Variants in WDR20 observed in about 807,000 individuals in gnomAD.
WDR20 encodes the protein WD repeat-containing protein 20.
Under a neutral mutation model 38.7 loss-of-function variants are expected in WDR20, and 3 were observed. The ratio of observed to expected loss-of-function variants is 0.08; its 90% CI spans 0.04 to 0.20. The LOEUF (loss-of-function observed/expected upper bound fraction) is 0.20. Ranked by LOEUF, WDR20 falls within the 10% of genes least tolerant of loss-of-function variation. WDR20 has a pLI of 1.00. For missense variants in WDR20, 559 were observed against 727.7 expected, an observed-to-expected ratio of 0.77 and a Z score of 2.67; for synonymous variants, 298 against 285.6, an observed-to-expected ratio of 1.04 and a Z score of -0.44.
At position 102,209,472 on chromosome 14, in the gene WDR20, C is replaced by T. The variant is rs139080041; in HGVS notation, c.1302C>T (p.Ser434=). Residue 434 remains serine (S), a synonymous_variant, in exon 3 of 3, where the codon AGC becomes AGT. Transcript: ENST00000342702. The surrounding 1 kb of genome is among the most constrained non-coding windows in gnomAD (Gnocchi z 6.0). ...SVPPPLPRSN[S]LPHSAVSNAG... is the part of the protein sequence containing the mutation. ...CGCCTCCTCTGCCACGGTCCAACAG[C>T]CTTCCACATTCAGCAGTCTCAAATG... is the stretch of plus-strand genomic sequence containing the variant. 1 of 1,614,088 alleles carries T rather than the reference C, an allele frequency of 6.2e-7. No homozygotes were observed. The highest frequency in any genetic ancestry group is 8.5e-7 in the Non-Finnish European group (1 of 1,180,056).
In WDR20 at chr14:102,140,091, C is replaced by G. The variant is rs534709063; in HGVS notation, c.168C>G (p.Asn56Lys). ...NPVRVSFVNL[N>K]DQSGNGDRLC... The stretch of plus-strand genomic sequence containing the variant: ...TCCGCGTCTCCTTCGTAAACCTCAA[C>G]GACCAGTCTGGCAACGGCGACCGCC... Residue 56 changes from asparagine to lysine, a missense_variant, in exon 1 of 3, where the codon AAC becomes AAG. By Grantham distance (94) the Asn-to-Lys change is moderately conservative (BLOSUM62 0). Transcript: ENST00000342702. 3 of 1,614,204 alleles carry G rather than the reference C, an allele frequency of 1.9e-6. No homozygotes were observed. The African/African-American group carries it at 4.0e-5, about 22-fold the overall frequency.
chr14:102,204,025 A>G (rs1699851005), intron 2 of WDR20, among the ~76,000 whole-genome samples: 2 of 152,168 alleles, frequency 1.3e-5, no homozygotes, highest in South Asian at 2.1e-4. Flanking sequence ...TGTAAGTTAA[A>G]TGACTGTGCT....
downstream of WDR20, chr14:102,213,348 C>T: frequency 1.0e-6 from 1 of 985,440 alleles, no homozygotes; most frequent in South Asian, 4.7e-5. Flanking sequence ...AACCAGTAGC[C>T]TTGGGGTCGA....
intron 1 of WDR20, among the ~76,000 whole-genome samples, chr14:102,147,061 T>G (rs1174981258): frequency 3.9e-5 from 6 of 152,156 alleles, no homozygotes; most frequent in African/African-American, 1.4e-4. Flanking sequence ...GGAGATACTT[T>G]CATACTATAC....
In WDR20 at chr14:102,139,904, G is replaced by A; in HGVS notation, c.-20G>A. The A allele has an allele frequency of 1.2e-6, 2 of 1,610,866 alleles. No individual in the cohort carries two copies. The highest frequency in any genetic ancestry group is 1.7e-6 in the Non-Finnish European group (2 of 1,177,344). On this transcript the variant is annotated 5_prime_UTR_variant, in exon 1 of 3. Coordinates refer to ENST00000342702, the MANE Select transcript of WDR20 (RefSeq NM_144574.4). ...GGCGTGATCCGGGCACTTAGGGCAG[G>A]ATGAACGCTGCTTTCCAAGATGGCG...
chr14:102,139,561 G>C, upstream of WDR20: 3 of 795,846 alleles, frequency 3.8e-6, no homozygotes, highest in Non-Finnish European at 5.8e-6. Flanking sequence ...CATGACACCA[G>C]CCCCGCCGCG....
At chr14:102,166,886 C>T (rs781428533) in intron 1 of WDR20, among the ~76,000 whole-genome samples, 1 of 152,146 alleles carries the variant, frequency 6.6e-6, no homozygotes, top group Non-Finnish European at 1.5e-5. Flanking sequence ...GTTTTCACTG[C>T]CCTCACTCAT....
intron 1 of WDR20, among the ~76,000 whole-genome samples, chr14:102,153,072 T>C (rs747446830): frequency 1.3e-5 from 2 of 152,118 alleles, no homozygotes; most frequent in Admixed American, 6.6e-5. Context: ...CACCATCTAC[T>C]TGGTGCTGCC....
At position 102,209,635 on chromosome 14, in the gene WDR20, A is replaced by G. The variant is rs771546202; in HGVS notation, c.1465A>G (p.Ser489Gly). The change falls in exon 3 of 3, where the codon AGC (serine) becomes GGC (glycine). Residue 489 changes from serine (S) to glycine (G), a missense_variant. Coordinates refer to ENST00000342702, the MANE Select transcript of WDR20 (RefSeq NM_144574.4). This position sits in a 1 kb window ranked among gnomAD's most constrained non-coding sequence, Gnocchi z 6.0. ...KRNHSMGHIS[S>G]KSSDKLNLVT... ...AAATCATAGCATGGGACACATTTCTAGCAAGAGCAGTGACAAACTGAATCT... is the reference window on the plus strand; with the variant it reads ...AAATCATAGCATGGGACACATTTCTGGCAAGAGCAGTGACAAACTGAATCT... The G allele has an allele frequency of 6.8e-6, 11 of 1,614,116 alleles. No homozygotes were observed. The highest frequency in any genetic ancestry group is 9.3e-6 in the Non-Finnish European group (11 of 1,180,056).
Position 102,209,220 on chromosome 14 carries a change from C to G in WDR20, c.1050C>G (p.Ser350=). Residue 350 remains serine, a synonymous_variant, in exon 3 of 3, where the codon TCC becomes TCG. Coordinates refer to ENST00000342702, the MANE Select transcript of WDR20 (RefSeq NM_144574.4). The surrounding 1 kb of genome is among the most constrained non-coding windows in gnomAD (Gnocchi z 6.0). ...FGRDRANSTQ[S]RLSKRNSTDS... ...GAGATCGAGCAAATAGTACACAGTC[C>G]AGGCTCTCCAAACGGAACTCTACAG... 1 of 1,614,172 alleles carries G rather than the reference C, an allele frequency of 6.2e-7. No homozygotes were observed. Among genetic ancestry groups the G allele is most frequent in the Non-Finnish European group, 8.5e-7 (1 of 1,180,042 alleles).
chr14:102,180,116 G>C (rs2063065396), intron 1 of WDR20, among the ~76,000 whole-genome samples: 1 of 152,180 alleles, frequency 6.6e-6, no homozygotes, highest in Non-Finnish European at 1.5e-5. Context: ...CTGCACTCCA[G>C]CCTGGGCGAC....
intron 1 of WDR20, among the ~76,000 whole-genome samples, chr14:102,161,134 A>ATT (rs2058589437): frequency 1.1e-4 from 1 of 9,294 alleles, no homozygotes; most frequent in Non-Finnish European, 2.2e-4. Flanking sequence ...ATATATATAT[A>ATT]TATATATATT....
chr14:102,190,668 G>T (rs1374396399), intron 1 of WDR20, among the ~76,000 whole-genome samples: 1 of 151,630 alleles, frequency 6.6e-6, no homozygotes, highest in South Asian at 2.1e-4. Flanking sequence ...GGAGGGCAGG[G>T]GTGCTAGGTA....
intron 1 of WDR20, among the ~76,000 whole-genome samples, chr14:102,160,947 CAAAAAA>C (rs57488628): frequency 5.5e-5 from 3 of 54,650 alleles, no homozygotes; most frequent in Admixed American, 3.3e-4. Context: ...GACTCTGTCT[CAAAAAA>C]AAAAAAAAAA....
downstream of WDR20, among the ~76,000 whole-genome samples, chr14:102,217,634 G>A (rs7142402): frequency 4.8e-3 from 725 of 151,722 alleles, 2 homozygotes; most frequent in African/African-American, 0.017. Flanking sequence ...CGGCTCTGTG[G>A]CTCACGTGCC....
chr14:102,213,270 G>T, downstream of WDR20: 1 of 985,454 alleles, frequency 1.0e-6, no homozygotes, highest in Non-Finnish European at 1.2e-6. Context: ...CCTGGAGAAG[G>T]GAACCTTTGG....
At position 102,209,257 on chromosome 14, in the gene WDR20, G is replaced by T. The variant is rs774893750; in HGVS notation, c.1087G>T (p.Val363Leu). The part of the protein sequence containing the change: ...SKRNSTDSRP[V>L]SVTYRFGSVG... The stretch of plus-strand genomic sequence containing the variant: ...ACGGAACTCTACAGACAGCCGCCCC[G>T]TAAGTGTCACGTATCGGTTTGGTTC... Residue 363 changes from valine (V) to leucine (L), a missense_variant, in exon 3 of 3, where the codon GTA (valine) becomes TTA (leucine). By Grantham distance (32) the Val-to-Leu change is conservative. Transcript: ENST00000342702. This position sits in a 1 kb window ranked among gnomAD's most constrained non-coding sequence, Gnocchi z 6.0. 3 of 1,614,006 alleles carry T rather than the reference G, an allele frequency of 1.9e-6. No individual in the cohort carries two copies. The highest frequency in any genetic ancestry group is 2.5e-6 in the Non-Finnish European group (3 of 1,180,044).
At chr14:102,168,037 A>C (rs1048589126) in intron 1 of WDR20, among the ~76,000 whole-genome samples, 27 of 152,302 alleles carry the variant, frequency 1.8e-4, no homozygotes, top group Admixed American at 1.7e-3. Flanking sequence ...GTGTTTGGTG[A>C]CATGATATAT....
chr14:102,146,458 C>T (rs901486778), intron 1 of WDR20, among the ~76,000 whole-genome samples: 4 of 152,172 alleles, frequency 2.6e-5, no homozygotes, highest in South Asian at 2.1e-4. Context: ...TCACCATGCC[C>T]GGCTAGAAGA....
Sources: gnomAD v4.1 joint callset for allele counts (sites outside exome capture counted in the v4.1 genomes callset) on GRCh38, gnomAD v4.1.1 for gene constraint, Gnocchi (gnomAD v3.1) non-coding constraint, MANE v1.5 for transcripts, NCBI Gene and HGNC (gene_info 2026-07-23, HGNC 2026-07-21) for gene names.